The following TNIP3 variants were observed in gnomAD, a reference collection of about 807,000 sequenced individuals.
The protein encoded by TNIP3 is TNFAIP3-interacting protein 3.
TNIP3 carries 34 observed loss-of-function variants against 54.1 expected under a neutral mutation model. That is an observed-to-expected ratio of 0.63 (90% CI 0.48 to 0.84). TNIP3 has a LOEUF of 0.84. Among genes scored for constraint, TNIP3 ranks in the 40% least tolerant of loss-of-function variants. TNIP3 has a pLI of 0.00. For synonymous variants in TNIP3, 134 were observed against 136.8 expected (o/e 0.98, Z 0.14); for missense variants, 366 against 387.6 (o/e 0.94, Z 0.47).
chr4:121,153,520 A>G lies in TNIP3; in HGVS notation c.492+1031T>C, dbSNP rs570196881. 2.6e-5 allele frequency among the ~76,000 whole-genome samples: 4 copies of G among 152,314 alleles called. No individual in the cohort carries two copies. In the South Asian group the frequency reaches 6.2e-4, roughly 24 times the overall value. On this transcript the variant is annotated intron_variant, in intron 5 of 10. Coordinates refer to ENST00000057513, the MANE Select transcript of TNIP3 (RefSeq NM_024873.6). ...AGGGAAAAGATAGATTTTGCCCCGC[A>G]TTTGTATGTCTGAGCATGGTTTTTC...
At position 121,141,803 on chromosome 4, in the gene TNIP3, C is replaced by A; in HGVS notation, c.885+13G>T. On this transcript the variant is annotated intron_variant, in intron 9 of 10. Coordinates refer to ENST00000057513, the MANE Select transcript of TNIP3 (RefSeq NM_024873.6). The stretch of plus-strand genomic sequence containing the variant: ...AGTATACTAAGCACTTTTTCAAATG[C>A]ACTCTTACTTACTGGGTGCTCCCGT... 2 of 1,500,720 alleles carry A rather than the reference C, an allele frequency of 1.3e-6. No homozygotes were observed. Among genetic ancestry groups the A allele is most frequent in the Non-Finnish European group, 8.9e-7 (1 of 1,119,886 alleles). The allele number at this position is 1,500,720 out of a possible 1,614,324, so 93.0% of individuals were successfully genotyped here.
upstream of TNIP3, among the ~76,000 whole-genome samples, chr4:121,218,538 CT>C: frequency 7.2e-6 from 1 of 138,806 alleles, no homozygotes; most frequent in African/African-American, 3.3e-5. Context: ...CCCTCCCTCC[CT>C]TCCTTCCTTC....
At chr4:121,171,724 T>C (rs889405894) in intron 3 of TNIP3, among the ~76,000 whole-genome samples, 4 of 151,368 alleles carry the variant, frequency 2.6e-5, no homozygotes, top group Non-Finnish European at 5.9e-5. Flanking sequence ...CTCCCCTACT[T>C]TTTGTTTTGT....
intron 2 of TNIP3, among the ~76,000 whole-genome samples, chr4:121,198,246 G>T (rs547805836): frequency 1.3e-5 from 2 of 151,986 alleles, no homozygotes; most frequent in African/African-American, 4.8e-5. Context: ...ATAAGCTACA[G>T]AGAAAATGCA....
At chr4:121,201,659 T>C (rs946805418) in intron 2 of TNIP3, among the ~76,000 whole-genome samples, 5 of 152,110 alleles carry the variant, frequency 3.3e-5, no homozygotes, top group African/African-American at 9.7e-5. Flanking sequence ...ATCAGAAGAG[T>C]TGTATTCTAG....
At chr4:121,224,004 A>G (rs1364580411) in intron 1 of TNIP3, among the ~76,000 whole-genome samples, 1 of 152,252 alleles carries the variant, frequency 6.6e-6, no homozygotes, top group African/African-American at 2.4e-5. Context: ...AATTCCTCAA[A>G]TGAAAATAAA....
At chr4:121,150,992 G>A (rs1182834554) in intron 5 of TNIP3, among the ~76,000 whole-genome samples, 2 of 152,174 alleles carry the variant, frequency 1.3e-5, no homozygotes, top group African/African-American at 2.4e-5. Context: ...TCACCAGAAC[G>A]ATTATCATCT....
chr4:121,161,788 G>T (rs1036101920), intron 1 of TNIP3, among the ~76,000 whole-genome samples: 17 of 152,106 alleles, frequency 1.1e-4, no homozygotes, highest in Non-Finnish European at 2.2e-4. Flanking sequence ...TAGGTTACTA[G>T]TTTAGATTAA....
intron 5 of TNIP3, among the ~76,000 whole-genome samples, chr4:121,151,428 A>G (rs1236290083): frequency 1.3e-5 from 2 of 152,224 alleles, no homozygotes; most frequent in Non-Finnish European, 2.9e-5. Context: ...ATACACAAAT[A>G]CTGTCTAGCC....
intron 2 of TNIP3, among the ~76,000 whole-genome samples, chr4:121,208,179 C>T (rs1282032382): frequency 6.6e-6 from 1 of 152,084 alleles, no homozygotes; most frequent in Non-Finnish European, 1.5e-5. Flanking sequence ...AAAATAAACC[C>T]CCTTCTACCT....
Position 121,132,317 on chromosome 4 carries a change from C to A in TNIP3, c.*314G>T. ...CACTGAGTTGCCTAAATCATAGAATCATTTTTGTGCATCCAACAGCAATAT... is the reference window on the plus strand; with the variant it reads ...CACTGAGTTGCCTAAATCATAGAATAATTTTTGTGCATCCAACAGCAATAT... On this transcript the variant is annotated 3_prime_UTR_variant, in exon 11 of 11. Transcript: ENST00000057513. 3.2e-6 allele frequency: 1 copy of A among 317,362 alleles called. No homozygotes were observed. The highest frequency in any genetic ancestry group is 5.8e-6 in the Non-Finnish European group (1 of 172,554). 19.7% of individuals were successfully genotyped at this position (317,362 alleles called of 1,614,324 possible). A position where few individuals can be genotyped will look rare whatever the true frequency, so the allele number is the denominator to read the frequency against.
intron 9 of TNIP3, among the ~76,000 whole-genome samples, chr4:121,139,488 C>T (rs1728985416): frequency 6.6e-6 from 1 of 152,172 alleles, no homozygotes; most frequent in Non-Finnish European, 1.5e-5. Flanking sequence ...AATGCTCACC[C>T]CTGCCTCCTA....
At chr4:121,160,628 C>A (rs1275859080) in intron 2 of TNIP3, among the ~76,000 whole-genome samples, 4 of 152,066 alleles carry the variant, frequency 2.6e-5, no homozygotes, top group African/African-American at 9.7e-5. Context: ...CCATTAATTC[C>A]CAGGAACATT....
intron 5 of TNIP3, among the ~76,000 whole-genome samples, chr4:121,152,045 C>T (rs1729792066): frequency 6.6e-6 from 1 of 152,170 alleles, no homozygotes; most frequent in Non-Finnish European, 1.5e-5. Context: ...TCCCCATTTT[C>T]TTCAATGCAA....
intron 2 of TNIP3, among the ~76,000 whole-genome samples, chr4:121,190,524 C>G (rs1725250664): frequency 6.6e-6 from 1 of 152,172 alleles, no homozygotes; most frequent in Non-Finnish European, 1.5e-5. Context: ...TTATGTCTTT[C>G]CTTCTCAGCC....
chr4:121,223,941 A>T (rs1402214018), intron 1 of TNIP3, among the ~76,000 whole-genome samples: 2 of 152,254 alleles, frequency 1.3e-5, no homozygotes, highest in Non-Finnish European at 2.9e-5. Flanking sequence ...GGGAGGCTAC[A>T]CAATGATTAT....
In TNIP3 at chr4:121,142,752, C is replaced by A. The variant is rs1323735281; in HGVS notation, c.760G>T (p.Glu254Ter). ...TGTTTTAATTGCTTTTCTAGTTTTT[C>A]TTTCTCCATCTGACAAGCTTTTATC... Reference protein sequence around the residue: ...SQIKACQMEKEKLEKQLKQMY... With the variant: ...SQIKACQMEK The change falls in exon 8 of 11, where the codon GAA (glutamate) becomes TAA (stop). Residue 254 changes from glutamate (E) to a stop codon, truncating the protein, a stop_gained. Coordinates refer to ENST00000057513, the MANE Select transcript of TNIP3 (RefSeq NM_024873.6). LOFTEE classifies it high-confidence loss of function. 6.2e-7 allele frequency: 1 copy of A among 1,612,192 alleles called. No individual in the cohort carries two copies. The highest frequency in any genetic ancestry group is 8.5e-7 in the Non-Finnish European group (1 of 1,178,808).
chr4:121,171,427 G>C (rs997781826), intron 3 of TNIP3, among the ~76,000 whole-genome samples: 3 of 152,160 alleles, frequency 2.0e-5, no homozygotes, highest in African/African-American at 7.2e-5. Context: ...GCAGAATTTT[G>C]ATGGTGGGTA....
Position 121,226,918 on chromosome 4 carries a change from A to T in TNIP3, c.3+467T>A, listed in dbSNP as rs114307066. On this transcript the variant is annotated intron_variant, in intron 1 of 12. Transcript: ENST00000509841. The stretch of plus-strand genomic sequence containing the variant: ...TGAAAAATGTCCCCTGCAGAGGAAC[A>T]CACTAAATGGATGCTGGCTCTGCTC... 3.8e-3 allele frequency among the ~76,000 whole-genome samples: 528 copies of T among 137,514 alleles called. 3 individuals are homozygous for T. Among genetic ancestry groups the T allele is most frequent in the African/African-American group, 0.013 (501 of 38,702 alleles). The allele number at this position is 137,514 out of a possible 152,430, so 90.2% of individuals were successfully genotyped here. A position where few individuals can be genotyped will look rare whatever the true frequency, so the allele number is the denominator to read the frequency against.
Sources: allele counts gnomAD v4.1 joint callset (sites outside exome capture counted in the v4.1 genomes callset), GRCh38; gene constraint gnomAD v4.1.1; transcripts MANE v1.5; gene names NCBI Gene and HGNC (gene_info 2026-07-23, HGNC 2026-07-21).